The following TMTC4 variants were observed in gnomAD, a reference collection of about 807,000 sequenced individuals.
The protein encoded by TMTC4 is protein O-mannosyl-transferase TMTC4.
Under a neutral mutation model 86.0 loss-of-function variants are expected in TMTC4, and 65 were observed. That is an observed-to-expected ratio of 0.76 (90% CI 0.62 to 0.93). The LOEUF (loss-of-function observed/expected upper bound fraction) is 0.93, where lower values mean the gene tolerates loss of function less well. TMTC4 is among the 40% of genes least tolerant of loss of function. TMTC4 has a pLI of 0.00. For synonymous variants in TMTC4, 379 were observed against 382.5 expected (o/e 0.99, Z 0.11); for missense variants, 866 against 948.1 (o/e 0.91, Z 1.14).
At chr13:100,667,107 C>G (rs532817566) in intron 3 of TMTC4, among the ~76,000 whole-genome samples, 46 of 152,262 alleles carry the variant, frequency 3.0e-4, no homozygotes, top group African/African-American at 1.0e-3. Flanking sequence ...CTGAGTGAAT[C>G]TGAGGAAAAT....
intron 8 of TMTC4, 29 bp downstream of exon 8, chr13:100,637,901 C>G (rs1250800798): frequency 6.3e-7 from 1 of 1,577,546 alleles, no homozygotes; most frequent in Non-Finnish European, 8.7e-7. Flanking sequence ...TTTTCCATGT[C>G]TGGGCTGGAG....
chr13:100,632,053 A>ACACACACACACACACACACACTCTCTCT (rs1296569630), intron 12 of TMTC4, among the ~76,000 whole-genome samples: 1 of 43,152 alleles, frequency 2.3e-5, no homozygotes, highest in African/African-American at 8.4e-5. Flanking sequence ...ACACACACAC[A>ACACACACACACACACACACACTCTCTCT]CTCTCTCTCT....
At position 100,625,603 on chromosome 13, in the gene TMTC4, G is replaced by C. The variant is rs756502063; in HGVS notation, c.1768C>G (p.Gln590Glu). Reference sequence around the variant, plus strand: ...TGTTTAATTGCTGTCCGGTAACTTTGCTCTGCTGCTTCAAACCGTTTCAGG... The same window carrying C: ...TGTTTAATTGCTGTCCGGTAACTTTCCTCTGCTGCTTCAAACCGTTTCAGG... ...NSLKRFEAAE[Q>E]SYRTAIKHRR... Residue 590 changes from glutamine to glutamate, a missense_variant, in exon 15 of 19, where the codon CAA becomes GAA. By Grantham distance (29) the Gln-to-Glu change is conservative (BLOSUM62 2). Transcript: ENST00000342624. 4 of 1,614,162 alleles carry C rather than the reference G, an allele frequency of 2.5e-6. No individual in the cohort carries two copies. The highest frequency in any genetic ancestry group is 3.4e-6 in the Non-Finnish European group (4 of 1,180,052).
rs146021569 is a variant in TMTC4, at chr13:100,605,257, A to G, written c.2135-115T>C. On this transcript the variant is annotated intron_variant, in intron 18 of 18. Coordinates refer to ENST00000342624, the MANE Select transcript of TMTC4 (RefSeq NM_032813.5). This position sits in a 1 kb window ranked among gnomAD's most constrained non-coding sequence, Gnocchi z 4.3. ...CTATGCAAACAGTTTTCAAAAGTCAATTGTATGAAACAATATTGTTTGTAC... is the reference window on the plus strand; with the variant it reads ...CTATGCAAACAGTTTTCAAAAGTCAGTTGTATGAAACAATATTGTTTGTAC... 1.2e-5 allele frequency: 14 copies of G among 1,210,562 alleles called. No homozygotes were observed. In the East Asian group the frequency reaches 3.1e-4, roughly 27 times the overall value. 75.0% of individuals were successfully genotyped at this position (1,210,562 alleles called of 1,614,324 possible). A position where few individuals can be genotyped will look rare whatever the true frequency, so the allele number is the denominator to read the frequency against.
chr13:100,618,249 G>A, intron 15 of TMTC4, among the ~76,000 whole-genome samples: 1 of 152,098 alleles, frequency 6.6e-6, no homozygotes, highest in African/African-American at 2.4e-5. Flanking sequence ...AGTCTGCAGG[G>A]TTTTCTAGGT....
intron 6 of TMTC4, among the ~76,000 whole-genome samples, chr13:100,647,773 C>G (rs1406098619): frequency 6.6e-6 from 1 of 152,140 alleles, no homozygotes; most frequent in Non-Finnish European, 1.5e-5. Flanking sequence ...CTCTAGAATT[C>G]CTCTAGATAA....
intron 3 of TMTC4, among the ~76,000 whole-genome samples, chr13:100,667,120 C>A (rs1886485584): frequency 6.6e-6 from 1 of 152,148 alleles, no homozygotes; most frequent in East Asian, 1.9e-4. Context: ...AGGAAAATTA[C>A]AAATGAAGAA....
intron 4 of TMTC4, 57 bp downstream of exon 4, chr13:100,664,164 C>A: frequency 6.9e-7 from 1 of 1,440,152 alleles, no homozygotes. Flanking sequence ...CACCTGTATC[C>A]AATGTCACAC....
At chr13:100,637,496 G>A in intron 9 of TMTC4, 42 bp downstream of exon 9, 1 of 1,572,834 alleles carries the variant, frequency 6.4e-7, no homozygotes, top group Non-Finnish European at 8.7e-7. Context: ...GAATCTGGTG[G>A]GGGAAGAAAA....
chr13:100,617,542 G>A (rs1019509060), intron 15 of TMTC4, among the ~76,000 whole-genome samples: 11 of 152,080 alleles, frequency 7.2e-5, no homozygotes, highest in Admixed American at 2.6e-4. Context: ...ACTCTTTTGC[G>A]TATGGCTAGC....
At chr13:100,668,411 A>C (rs1197686784) in intron 3 of TMTC4, 168 bp downstream of exon 3, 1 of 694,892 alleles carries the variant, frequency 1.4e-6, no homozygotes, top group Non-Finnish European at 2.4e-6. Flanking sequence ...TAAGAAAGGC[A>C]CTAAATCATG....
chr13:100,665,302 C>A (rs548518707), intron 3 of TMTC4, among the ~76,000 whole-genome samples: 2 of 152,334 alleles, frequency 1.3e-5, no homozygotes, highest in African/African-American at 4.8e-5. Flanking sequence ...CTCTTTAGAG[C>A]ATAATTAAAC....
At position 100,625,207 on chromosome 13, in the gene TMTC4, CAG is replaced by C. The variant is rs1344368185; in HGVS notation, c.1836+326_1836+327del. ...TCTTACTCAATTCTTGTTTTAAAAA[CAG>C]AGAAACTGATGTTTATCAGGAAGTT... On this transcript the variant is annotated intron_variant, in intron 15 of 18. Coordinates refer to ENST00000342624, the MANE Select transcript of TMTC4 (RefSeq NM_032813.5). 13 of 292,482 alleles carry C rather than the reference CAG, an allele frequency of 4.4e-5. No homozygotes were observed. In the Admixed American group the frequency reaches 6.0e-4, roughly 13 times the overall value. 18.1% of individuals were successfully genotyped at this position (292,482 alleles called of 1,614,324 possible).
Position 100,615,180 on chromosome 13 carries a change from C to G in TMTC4, c.1837-750G>C, listed in dbSNP as rs184873436. ...TGAGATAGAGTCTCACACTGTTGCC[C>G]GGGCTGGAGTGCAATGGCGCGATCT... On this transcript the variant is annotated intron_variant, in intron 15 of 18. Coordinates refer to ENST00000342624, the MANE Select transcript of TMTC4 (RefSeq NM_032813.5). Among the ~76,000 whole-genome samples the G allele has an allele frequency of 4.3e-3, 661 of 152,188 alleles. 6 individuals carry two copies. The highest frequency in any genetic ancestry group is 0.015 in the African/African-American group (635 of 41,526).
At chr13:100,622,874 C>A (rs368134603) in intron 15 of TMTC4, among the ~76,000 whole-genome samples, 1 of 152,130 alleles carries the variant, frequency 6.6e-6, no homozygotes, top group East Asian at 1.9e-4. Flanking sequence ...CATTACTCGT[C>A]CACGTAAAGG....
intron 3 of TMTC4, among the ~76,000 whole-genome samples, chr13:100,667,083 A>C: frequency 6.6e-6 from 1 of 152,226 alleles, no homozygotes; most frequent in Non-Finnish European, 1.5e-5. Flanking sequence ...AAACAGAATC[A>C]TCTACAGTAA....
chr13:100,604,065 T>A lies in TMTC4; in HGVS notation c.*929A>T, dbSNP rs1876213244. ...ATAAAAAACAGCAGGAACAACTCAA[T>A]TCTTAAAAATACCACGAATTCCCCG... On this transcript the variant is annotated 3_prime_UTR_variant, in exon 19 of 19. Coordinates refer to ENST00000342624, the MANE Select transcript of TMTC4 (RefSeq NM_032813.5). The A allele has an allele frequency of 6.6e-6, 1 of 152,638 alleles. No homozygotes were observed. The highest frequency in any genetic ancestry group is 2.1e-4 in the South Asian group (1 of 4,834). The allele number at this position is 152,638 out of a possible 1,614,324, so 9.5% of individuals were successfully genotyped here. A position where few individuals can be genotyped will look rare whatever the true frequency, so the allele number is the denominator to read the frequency against.
intron 15 of TMTC4, 112 bp downstream of exon 15, chr13:100,625,423 G>A: frequency 7.0e-7 from 1 of 1,430,152 alleles, no homozygotes. Flanking sequence ...AGAAACATGT[G>A]AAAGAACTTT....
intron 3 of TMTC4, among the ~76,000 whole-genome samples, chr13:100,667,476 A>C (rs770790538): frequency 3.3e-5 from 5 of 152,284 alleles, no homozygotes; most frequent in African/African-American, 4.8e-5. Flanking sequence ...AAAATGATCT[A>C]GTGTGTGCCC....
Sources: allele counts gnomAD v4.1 joint callset (sites outside exome capture counted in the v4.1 genomes callset), GRCh38; gene constraint gnomAD v4.1.1; non-coding constraint Gnocchi (gnomAD v3.1); transcripts MANE v1.5; gene names NCBI Gene and HGNC (gene_info 2026-07-23, HGNC 2026-07-21).